Variants in ST3GAL4 observed in about 807,000 individuals in gnomAD.
ST3GAL4 encodes ST3 beta-galactoside alpha-2,3-sialyltransferase 4.
Under a neutral mutation model 42.6 loss-of-function variants are expected in ST3GAL4, and 24 were observed. That is an observed-to-expected ratio of 0.56 (90% CI 0.41 to 0.79). ST3GAL4 has a LOEUF of 0.79. Among genes scored for constraint, ST3GAL4 ranks in the 30% least tolerant of loss-of-function variants. ST3GAL4 has a pLI of 0.00. For synonymous variants in ST3GAL4, 135 were observed against 163.2 expected (o/e 0.83, Z 1.32); for missense variants, 311 against 430.8 (o/e 0.72, Z 2.46).
chr11:126,385,921 TAGAATC>T (rs1337426367), intron 1 of ST3GAL4, among the ~76,000 whole-genome samples: 1 of 152,138 alleles, frequency 6.6e-6, no homozygotes, highest in South Asian at 2.1e-4. Context: ...CACCCAAACT[TAGAATC>T]TGAGCTTTTA....
intron 1 of ST3GAL4, among the ~76,000 whole-genome samples, chr11:126,361,413 C>T (rs538271160): frequency 1.3e-5 from 2 of 151,798 alleles, no homozygotes; most frequent in East Asian, 3.9e-4. Flanking sequence ...TTGTGACCCC[C>T]CTGTGGTTCT....
intron 1 of ST3GAL4, among the ~76,000 whole-genome samples, chr11:126,394,835 G>A (rs1953674018): frequency 6.7e-6 from 1 of 149,342 alleles, no homozygotes; most frequent in Non-Finnish European, 1.5e-5. Context: ...GCGGATGGTG[G>A]GGGGTGGGTG....
chr11:126,389,067 C>T (rs1488831078), intron 1 of ST3GAL4, among the ~76,000 whole-genome samples: 1 of 152,042 alleles, frequency 6.6e-6, no homozygotes, highest in Admixed American at 6.6e-5. Flanking sequence ...CGTGAGCCAC[C>T]GCTCCCCGGC....
chr11:126,408,473 ACCAT>A lies in ST3GAL4; in HGVS notation c.607_610del (p.Ile203Ter). ...GGCAATGGACTTCCACTGGATTGAG[ACCAT>A]CCTGAGTGATAAGAAGCGGGTAAGT... On this transcript the variant is annotated frameshift_variant, in exon 8 of 11. Coordinates refer to ENST00000444328, the MANE Select transcript of ST3GAL4 (RefSeq NM_001254757.2). LOFTEE classifies it high-confidence loss of function. The A allele has an allele frequency of 1.2e-6, 2 of 1,614,214 alleles. No homozygotes were observed. Among genetic ancestry groups the A allele is most frequent in the Non-Finnish European group, 1.7e-6 (2 of 1,180,034 alleles).
Position 126,386,909 on chromosome 11 carries a change from C to A in ST3GAL4, c.-60-19187C>A, listed in dbSNP as rs921229985. ...AACGGTAACACACACACCCCTCCCC[C>A]ACCCCGCTGGAGAAGCCCTGCACCA... is the stretch of plus-strand genomic sequence containing the variant. On this transcript the variant is annotated intron_variant, in intron 1 of 10. Coordinates refer to ENST00000444328, the MANE Select transcript of ST3GAL4 (RefSeq NM_001254757.2). The surrounding 1 kb of genome is among the most constrained non-coding windows in gnomAD (Gnocchi z 4.7). Among the ~76,000 whole-genome samples the A allele has an allele frequency of 2.2e-4, 33 of 152,158 alleles. No homozygotes were observed. The highest frequency in any genetic ancestry group is 4.6e-4 in the Non-Finnish European group (31 of 68,028).
intron 1 of ST3GAL4, among the ~76,000 whole-genome samples, chr11:126,402,718 G>C (rs1259672722): frequency 6.6e-6 from 1 of 152,228 alleles, no homozygotes; most frequent in East Asian, 1.9e-4. Flanking sequence ...GTGTTAGGCT[G>C]TGAATGCTGG....
rs1319673327 is a variant in ST3GAL4, at chr11:126,414,299, C to A, written c.*252C>A. ...GGGCAGGGGGCTCGTTGCTGTGGCA[C>A]CCCCTCTCTGCCAGCACCAAGAGAT... On this transcript the variant is annotated 3_prime_UTR_variant, in exon 11 of 11. Transcript: ENST00000444328. 5.4e-6 allele frequency: 3 copies of A among 551,204 alleles called. No individual in the cohort carries two copies. The South Asian group carries it at 6.6e-5, about 12-fold the overall frequency. 34.1% of individuals were successfully genotyped at this position (551,204 alleles called of 1,614,324 possible).
Position 126,388,762 on chromosome 11 carries a change from A to T in ST3GAL4, c.-60-17334A>T, listed in dbSNP as rs1339009384. Among the ~76,000 whole-genome samples the T allele has an allele frequency of 2.9e-3, 8 of 2,786 alleles. 2 individuals are homozygous for T. Among genetic ancestry groups the T allele is most frequent in the Non-Finnish European group, 4.7e-3 (6 of 1,284 alleles). The allele number at this position is 2,786 out of a possible 152,430, so 1.8% of individuals were successfully genotyped here. A position where few individuals can be genotyped will look rare whatever the true frequency, so the allele number is the denominator to read the frequency against. On this transcript the variant is annotated intron_variant, in intron 1 of 10. Coordinates refer to ENST00000444328, the MANE Select transcript of ST3GAL4 (RefSeq NM_001254757.2). ...GGTTGCAAATGTACTTTAGTTTTTC[A>T]GTGTCTTTTTTTTTTTTTTTTTTTT...
rs373098546 is a variant in ST3GAL4, at chr11:126,406,553, G to C, written c.97G>C (p.Glu33Gln). The stretch of plus-strand genomic sequence containing the variant: ...CATCTCCCGGGAAGACAGGTACATC[G>C]AGCTGTGAGTTCACCTTCCATGTCC... ...YSISREDRYI[E>Q]LFYFPIPEKK... Residue 33 changes from glutamate to glutamine, a missense_variant, in exon 3 of 11, where the codon GAG (glutamate) becomes CAG (glutamine). By Grantham distance (29) the Glu-to-Gln change is conservative (BLOSUM62 2). Transcript: ENST00000444328. This position sits in a 1 kb window ranked among gnomAD's most constrained non-coding sequence, Gnocchi z 5.4. 6.2e-7 allele frequency: 1 copy of C among 1,614,150 alleles called. No individual in the cohort carries two copies. The highest frequency in any genetic ancestry group is 8.5e-7 in the Non-Finnish European group (1 of 1,180,028).
intron 1 of ST3GAL4, chr11:126,403,346 G>C (rs1240842233): frequency 1.1e-6 from 1 of 929,994 alleles, no homozygotes. Flanking sequence ...GCTCACCTCT[G>C]ACGCTGCTCA....
chr11:126,401,803 T>G, intron 1 of ST3GAL4, among the ~76,000 whole-genome samples: 1 of 150,520 alleles, frequency 6.6e-6, no homozygotes, highest in African/African-American at 2.5e-5. Flanking sequence ...AAAACAAGAG[T>G]GGAGGGAGTG....
rs1954243829 is a variant in ST3GAL4 at position 126,406,598 on chromosome 11, G to A, written c.101+41G>A. ...ATGTCCTTCCAGTGGCTCTTGTCAG[G>A]GACAGGGCTTAGGGATGGAGCATCA... is the stretch of plus-strand genomic sequence containing the variant. On this transcript the variant is annotated intron_variant, in intron 3 of 10. Transcript: ENST00000444328. This position sits in a 1 kb window ranked among gnomAD's most constrained non-coding sequence, Gnocchi z 5.4. 6.2e-7 allele frequency: 1 copy of A among 1,613,682 alleles called. No individual in the cohort carries two copies. Among genetic ancestry groups the A allele is most frequent in the African/African-American group, 1.3e-5 (1 of 74,894 alleles).
At chr11:126,408,773 G>C (rs1954387090) in intron 8 of ST3GAL4, 2 of 510,554 alleles carry the variant, frequency 3.9e-6, no homozygotes, top group East Asian at 6.4e-5. Context: ...AGCTTTCCGA[G>C]TAGGTGTTTG....
Position 126,406,037 on chromosome 11 carries a change from A to T in ST3GAL4, c.-60-59A>T. On this transcript the variant is annotated intron_variant, in intron 1 of 10. Coordinates refer to ENST00000444328, the MANE Select transcript of ST3GAL4 (RefSeq NM_001254757.2). This position sits in a 1 kb window ranked among gnomAD's most constrained non-coding sequence, Gnocchi z 5.4. ...GCAGACAGTGGGTGTGTCCTGCTCCAGTGTCTAGGCAGGAGAGTTTGTGAA... is the reference window on the plus strand; with the variant it reads ...GCAGACAGTGGGTGTGTCCTGCTCCTGTGTCTAGGCAGGAGAGTTTGTGAA... 6.5e-7 allele frequency: 1 copy of T among 1,534,460 alleles called. No homozygotes were observed.
In ST3GAL4 at chr11:126,363,977, G is replaced by C. The variant is rs938600113; in HGVS notation, c.-61+8135G>C. Among the ~76,000 whole-genome samples, 3 of 152,236 alleles carry C rather than the reference G, an allele frequency of 2.0e-5. No homozygotes were observed. The highest frequency in any genetic ancestry group is 7.2e-5 in the African/African-American group (3 of 41,474). ...TGGCTTTGTTCTGCCTTAGGGACCA[G>C]CTGGTCCCCTGCTGTGGTTCCACAC... On this transcript the variant is annotated intron_variant, in intron 1 of 10. Coordinates refer to ENST00000444328, the MANE Select transcript of ST3GAL4 (RefSeq NM_001254757.2). The surrounding 1 kb of genome is among the most constrained non-coding windows in gnomAD (Gnocchi z 4.6).
At chr11:126,394,929 G>A (rs1380903197) in intron 1 of ST3GAL4, among the ~76,000 whole-genome samples, 2 of 152,086 alleles carry the variant, frequency 1.3e-5, no homozygotes, top group African/African-American at 4.8e-5. Flanking sequence ...TCCCTCTAAG[G>A]TCAGACAGCT....
intron 1 of ST3GAL4, among the ~76,000 whole-genome samples, chr11:126,371,322 G>A (rs533645023): frequency 1.3e-5 from 2 of 151,648 alleles, no homozygotes; most frequent in Admixed American, 6.6e-5. Flanking sequence ...ACGCCATCAC[G>A]CCTGTCTAAT....
chr11:126,379,923 T>C lies in ST3GAL4; in HGVS notation c.-61+24081T>C, dbSNP rs2135436942. Among the ~76,000 whole-genome samples the C allele has an allele frequency of 6.6e-6, 1 of 152,236 alleles. No individual in the cohort carries two copies. Among genetic ancestry groups the C allele is most frequent in the African/African-American group, 2.4e-5 (1 of 41,536 alleles). ...AGTAACTGAAACTGGTGTAGTGTCTTTCAATGGGGCTCAAGGGCAGTTGTT... is the reference window on the plus strand; with the variant it reads ...AGTAACTGAAACTGGTGTAGTGTCTCTCAATGGGGCTCAAGGGCAGTTGTT... On this transcript the variant is annotated intron_variant, in intron 1 of 10. Transcript: ENST00000444328. This position sits in a 1 kb window ranked among gnomAD's most constrained non-coding sequence, Gnocchi z 4.2.
rs1953157369 is a variant in ST3GAL4 at position 126,384,834 on chromosome 11, A to T, written c.-60-21262A>T. The T allele has an allele frequency of 1.0e-6, 1 of 985,154 alleles. No individual in the cohort carries two copies. The highest frequency in any genetic ancestry group is 4.7e-5 in the South Asian group (1 of 21,276). 61.0% of individuals were successfully genotyped at this position (985,154 alleles called of 1,614,324 possible). A position where few individuals can be genotyped will look rare whatever the true frequency, so the allele number is the denominator to read the frequency against. ...GGCCGTGGCAGGTCCTTTGTCACAT[A>T]TGGGCCAGGAGAGGTGAGTGTGATT... On this transcript the variant is annotated intron_variant, in intron 1 of 10. Transcript: ENST00000444328. This position sits in a 1 kb window ranked among gnomAD's most constrained non-coding sequence, Gnocchi z 5.5.
Sources: allele counts gnomAD v4.1 joint callset (sites outside exome capture counted in the v4.1 genomes callset), GRCh38; gene constraint gnomAD v4.1.1; non-coding constraint Gnocchi (gnomAD v3.1); transcripts MANE v1.5; gene names NCBI Gene and HGNC (gene_info 2026-07-23, HGNC 2026-07-21).